DNHD1: variants seen among roughly 807,000 people sequenced by gnomAD.
The protein encoded by DNHD1 is dynein heavy chain domain 1, also known as dynein heavy chain domain-containing protein 1.
A neutral mutation model predicts 458.1 loss-of-function variants in DNHD1; 383 were observed. The observed-to-expected ratio is 0.84, with a 90% CI of 0.77 to 0.91. The LOEUF is 0.91. Ranked by LOEUF, DNHD1 falls within the 40% of genes least tolerant of loss-of-function variation. DNHD1 has a pLI of 0.00. For synonymous variants in DNHD1, 2,203 were observed against 2,376.9 expected, an observed-to-expected ratio of 0.93 and a Z score of 2.13; for missense variants, 5,336 against 5,866.1, an observed-to-expected ratio of 0.91 and a Z score of 2.95.
At chr11:6,566,090 C>T in intron 33 of DNHD1, 99 bp downstream of exon 33, 1 of 1,485,180 alleles carries the variant, frequency 6.7e-7, no homozygotes, top group Non-Finnish European at 9.1e-7. Context: ...AGTTCCCATC[C>T]TTCATCCCAG....
rs750293809 is a variant in DNHD1, at chr11:6,547,457, G to C, written c.6518G>C (p.Arg2173Pro). 2.6e-5 allele frequency: 41 copies of C among 1,551,176 alleles called. No individual in the cohort carries two copies. Among genetic ancestry groups the C allele is most frequent in the Non-Finnish European group, 8.7e-7 (1 of 1,146,650 alleles). ...SLPYEYRLQHRTVAELNHMAE... is the reference protein window; with the variant it reads ...SLPYEYRLQHPTVAELNHMAE... ...CCTTATGAGTACCGCCTGCAGCACC[G>C]GACAGTCGCTGAGCTCAACCACATG... The change falls in exon 21 of 43, where the codon CGG becomes CCG. Residue 2173 changes from arginine (R) to proline (P), a missense_variant. Arg to Pro is a moderately radical substitution (Grantham distance 103). Transcript: ENST00000254579.
intron 10 of DNHD1, chr11:6,521,015 A>G (rs1042112406): frequency 4.6e-5 from 14 of 304,980 alleles, no homozygotes; most frequent in Non-Finnish European, 5.3e-5. Context: ...TACAAATTAT[A>G]CACCAGTTGG....
intron 24 of DNHD1, among the ~76,000 whole-genome samples, chr11:6,555,770 T>C (rs1853449526): frequency 6.6e-6 from 1 of 152,158 alleles, no homozygotes. Flanking sequence ...GGAAATCCGA[T>C]CAAATAACAA....
chr11:6,520,540 A>G (rs1413558709), intron 10 of DNHD1: 14 of 1,333,622 alleles, frequency 1.0e-5, no homozygotes, highest in Admixed American at 3.1e-5. Flanking sequence ...GTGTGAGTAC[A>G]TTGTCCTTCC....
Position 6,568,092 on chromosome 11 carries a change from G to A in DNHD1, c.12388G>A (p.Glu4130Lys), listed in dbSNP as rs1238683833. 2 of 1,576,030 alleles carry A rather than the reference G, an allele frequency of 1.3e-6. No homozygotes were observed. Among genetic ancestry groups the A allele is most frequent in the Non-Finnish European group, 1.7e-6 (2 of 1,159,902 alleles). ...ACTGCAGGTGATAGCCCTGGGCTCT[G>A]AAGCCTGGGACCCAGTCTCAGTTGT... ...KQLQVIALGS[E>K]AWDPVSVVVS... is the part of the protein sequence containing the mutation. The change falls in exon 37 of 43, where the codon GAA (glutamate) becomes AAA (lysine). Residue 4130 changes from glutamate to lysine, a missense_variant. Around this residue, in one of 4 missense-constraint regions of DNHD1, gnomAD observed 695 missense variants for 804.2 expected, o/e 0.86. Coordinates refer to ENST00000254579, the MANE Select transcript of DNHD1 (RefSeq NM_144666.3).
intron 35 of DNHD1, 27 bp downstream of exon 35, chr11:6,566,792 G>A: frequency 6.2e-7 from 1 of 1,604,732 alleles, no homozygotes; most frequent in African/African-American, 1.3e-5. Flanking sequence ...TCTGTGGGTT[G>A]AGATGAGCAT....
chr11:6,548,895 T>A lies in DNHD1; in HGVS notation c.7349T>A (p.Leu2450His). The A allele has an allele frequency of 6.4e-7, 1 of 1,551,628 alleles. No individual in the cohort carries two copies. Among genetic ancestry groups the A allele is most frequent in the South Asian group, 1.2e-5 (1 of 84,058 alleles). Reference protein sequence around the residue: ...PGHHQDSKPSLLFLLEDLHLA... With the variant: ...PGHHQDSKPSHLFLLEDLHLA... Reference sequence around the variant, plus strand: ...CATCACCAGGATTCTAAACCCTCCCTCCTCTTCTTGCTGGAGGACCTGCAC... The same window carrying A: ...CATCACCAGGATTCTAAACCCTCCCACCTCTTCTTGCTGGAGGACCTGCAC... Residue 2450 changes from leucine (L) to histidine (H), a missense_variant, in exon 24 of 43, where the codon CTC (leucine) becomes CAC (histidine). Around this residue, in one of 4 missense-constraint regions of DNHD1, gnomAD observed 3,932 missense variants for 4,365.6 expected, o/e 0.90. Coordinates refer to ENST00000254579, the MANE Select transcript of DNHD1 (RefSeq NM_144666.3). The surrounding 1 kb of genome is among the most constrained non-coding windows in gnomAD (Gnocchi z 4.4).
chr11:6,517,693 A>G (rs1358125866), intron 7 of DNHD1, among the ~76,000 whole-genome samples: 2 of 103,828 alleles, frequency 1.9e-5, no homozygotes, highest in Admixed American at 1.5e-4. Flanking sequence ...TTTTAAGGGC[A>G]CTAATCCTAT....
At position 6,571,223 on chromosome 11, in the gene DNHD1, G is replaced by A. The variant is rs371698201; in HGVS notation, c.13711G>A (p.Asp4571Asn). 7.4e-6 allele frequency: 12 copies of A among 1,611,180 alleles called. No individual in the cohort carries two copies. The African/African-American group carries it at 1.6e-4, about 22-fold the overall frequency. The change falls in exon 42 of 43, where the codon GAC becomes AAC. Residue 4571 changes from aspartate (D) to asparagine (N), a missense_variant. By Grantham distance (23) the Asp-to-Asn change is conservative. This residue lies in a region of DNHD1 where 698 missense variants were observed against 664.9 expected (regional missense o/e 1.05). Transcript: ENST00000254579. The surrounding 1 kb of genome is among the most constrained non-coding windows in gnomAD (Gnocchi z 5.0). ...LLVRYLGVGA[D>N]ASSDVPERVF... is the part of the protein sequence containing the mutation. ...GGTTCGTTACTTGGGCGTGGGCGCG[G>A]ACGCGAGCAGTGATGTACCAGAGCG... is the stretch of plus-strand genomic sequence containing the variant.
At position 6,545,603 on chromosome 11, in the gene DNHD1, C is replaced by A. The variant is rs962544138; in HGVS notation, c.4664C>A (p.Ala1555Asp). The change falls in exon 21 of 43, where the codon GCT becomes GAT. Residue 1555 changes from alanine to aspartate, a missense_variant. Ala to Asp is a moderately radical substitution (Grantham distance 126). Around this residue, in one of 4 missense-constraint regions of DNHD1, gnomAD observed 3,932 missense variants for 4,365.6 expected, o/e 0.90. Transcript: ENST00000254579. This position sits in a 1 kb window ranked among gnomAD's most constrained non-coding sequence, Gnocchi z 4.9. Reference sequence around the variant, plus strand: ...GTGAATTTTATGCGGGCCCAGAGGGCTTCCCAAGGTGGGCAGTCCCTGCCT... The same window carrying A: ...GTGAATTTTATGCGGGCCCAGAGGGATTCCCAAGGTGGGCAGTCCCTGCCT... ...VLVNFMRAQR[A>D]SQGGQSLPSV... is the part of the protein sequence containing the mutation. 5 of 1,551,966 alleles carry A rather than the reference C, an allele frequency of 3.2e-6. No individual in the cohort carries two copies. Among genetic ancestry groups the A allele is most frequent in the Non-Finnish European group, 4.4e-6 (5 of 1,147,048 alleles).
chr11:6,564,611 C>T lies in DNHD1; in HGVS notation c.10563C>T (p.Tyr3521=). The change falls in exon 32 of 43, where the codon TAC becomes TAT. Residue 3521 remains tyrosine (Y), a synonymous_variant. Transcript: ENST00000254579. The stretch of plus-strand genomic sequence containing the variant: ...TGCTGAGCTCTGAATCGGAGCAGTA[C>T]CAGTGGGATGGAAACCTGAAGCCAC... ...LSLLSSESEQ[Y]QWDGNLKPQA... 2 of 1,551,702 alleles carry T rather than the reference C, an allele frequency of 1.3e-6. No homozygotes were observed. The highest frequency in any genetic ancestry group is 1.7e-6 in the Non-Finnish European group (2 of 1,146,988).
chr11:6,540,184 G>T, intron 18 of DNHD1, 101 bp downstream of exon 18: 1 of 1,057,464 alleles, frequency 9.5e-7, no homozygotes, highest in Non-Finnish European at 1.4e-6. Context: ...TCTAGCCAGG[G>T]CCCCATCCTT....
rs372799484 is a variant in DNHD1 at position 6,568,189 on chromosome 11, A to T, written c.12485A>T (p.His4162Leu). The change falls in exon 37 of 43, where the codon CAT (histidine) becomes CTT (leucine). Residue 4162 changes from histidine (H) to leucine (L), a missense_variant. Physicochemically the swap from His to Leu is moderately conservative, Grantham distance 99. Coordinates refer to ENST00000254579, the MANE Select transcript of DNHD1 (RefSeq NM_144666.3). The part of the protein sequence containing the change: ...LVLDNCHLMP[H>L]WPKELLQLLL... ...CTGGACAACTGTCATCTGATGCCCCATTGGCCGAAAGAGCTGCTACAGCTC... is the reference window on the plus strand; with the variant it reads ...CTGGACAACTGTCATCTGATGCCCCTTTGGCCGAAAGAGCTGCTACAGCTC... 16 of 1,552,474 alleles carry T rather than the reference A, an allele frequency of 1.0e-5. No individual in the cohort carries two copies. In the Admixed American group the frequency reaches 2.0e-4, roughly 19 times the overall value.
chr11:6,544,000 CAGAA>C (rs1853154091), intron 18 of DNHD1, 117 bp from the exon 19 acceptor site: 2 of 355,566 alleles, frequency 5.6e-6, no homozygotes, highest in Admixed American at 4.9e-5. Context: ...AAGAAAAAGA[CAGAA>C]AGGGCATCAG....
rs780177086 is a variant in DNHD1, at chr11:6,566,707, G to C, written c.11327G>C (p.Arg3776Pro). 1 of 1,612,138 alleles carries C rather than the reference G, an allele frequency of 6.2e-7. No homozygotes were observed. Among genetic ancestry groups the C allele is most frequent in the East Asian group, 2.2e-5 (1 of 44,860 alleles). The change falls in exon 35 of 43, where the codon CGC (arginine) becomes CCC (proline). Residue 3776 changes from arginine to proline, a missense_variant. Physicochemically the swap from Arg to Pro is moderately radical, Grantham distance 103. Around this residue, in one of 4 missense-constraint regions of DNHD1, gnomAD observed 695 missense variants for 804.2 expected, o/e 0.86. Coordinates refer to ENST00000254579, the MANE Select transcript of DNHD1 (RefSeq NM_144666.3). ...AGAGAGTATCCTGAACTCGAGACCC[G>C]CTGGCAGGACCTAAAGATCAGAGCC... ...LCREYPELET[R>P]WQDLKIRALD...
intron 17 of DNHD1, 76 bp from the exon 18 acceptor site, chr11:6,539,800 A>G: frequency 7.2e-7 from 1 of 1,390,928 alleles, no homozygotes; most frequent in Admixed American, 2.0e-5. Context: ...CCTCAGATCC[A>G]ATCCCCAAGT....
chr11:6,525,399 A>G (rs1199308379), intron 10 of DNHD1, among the ~76,000 whole-genome samples: 1 of 152,222 alleles, frequency 6.6e-6, no homozygotes, highest in African/African-American at 2.4e-5. Flanking sequence ...GCTATTGAGT[A>G]ATCAACCAAT....
intron 28 of DNHD1, among the ~76,000 whole-genome samples, chr11:6,561,256 C>A (rs1046550872): frequency 2.0e-5 from 3 of 152,080 alleles, no homozygotes; most frequent in African/African-American, 7.2e-5. Flanking sequence ...GGCAACACAG[C>A]AAAACACTGT....
Position 6,511,254 on chromosome 11 carries a change from G to C in DNHD1, c.1236-19G>C. 6.2e-7 allele frequency: 1 copy of C among 1,613,486 alleles called. No homozygotes were observed. The highest frequency in any genetic ancestry group is 8.5e-7 in the Non-Finnish European group (1 of 1,179,630). ...AGGATTGGGATGCCAGCTCTGACCA[G>C]CTTAGTCCTTGATTCTAGGCTTCTG... On this transcript the variant is annotated intron_variant, in intron 6 of 42. Transcript: ENST00000254579.
Sources: allele counts gnomAD v4.1 joint callset (sites outside exome capture counted in the v4.1 genomes callset), GRCh38; gene constraint gnomAD v4.1.1; regional missense constraint gnomAD v4.1.1; non-coding constraint Gnocchi (gnomAD v3.1); transcripts MANE v1.5; gene names NCBI Gene and HGNC (gene_info 2026-07-23, HGNC 2026-07-21).